Variants in PM20D1 observed in about 807,000 individuals in gnomAD.
The protein encoded by PM20D1 is peptidase M20 domain containing 1.
In PM20D1, 53 loss-of-function variants were observed where a neutral mutation model predicts 53.8. That is an observed-to-expected ratio of 0.98 (90% CI 0.79 to 1.24). PM20D1 has a LOEUF of 1.24. Ranked by LOEUF, PM20D1 falls within the 50% of genes most tolerant of loss-of-function variation. The pLI is 0.00. For synonymous variants in PM20D1, 239 were observed against 241.3 expected (o/e 0.99, Z 0.09); for missense variants, 564 against 616.8 (o/e 0.91, Z 0.91).
Position 205,844,889 on chromosome 1 carries a change from C to T in PM20D1, c.498G>A (p.Leu166=). The change falls in exon 4 of 13, where the codon CTG becomes CTA. Residue 166 remains leucine (L), a synonymous_variant. Transcript: ENST00000367136. ...TGATCAGCAGGAGCTCCAAGGCCTGCAGTAATGCCTGGGGTTCAGAAGCAC... is the reference window on the plus strand; with the variant it reads ...TGATCAGCAGGAGCTCCAAGGCCTGTAGTAATGCCTGGGGTTCAGAAGCAC... ...LDDKNSVMAL[L]QALELLLIRK... 2.5e-6 allele frequency: 4 copies of T among 1,613,502 alleles called. No individual in the cohort carries two copies. The highest frequency in any genetic ancestry group is 3.4e-6 in the Non-Finnish European group (4 of 1,179,902).
intron 10 of PM20D1, among the ~76,000 whole-genome samples, chr1:205,835,544 C>T (rs538251152): frequency 2.1e-5 from 3 of 143,214 alleles, no homozygotes; most frequent in African/African-American, 5.2e-5. Context: ...CCCGGCTGCT[C>T]GGGAGGCTGA....
intron 10 of PM20D1, among the ~76,000 whole-genome samples, chr1:205,834,344 C>T (rs894584075): frequency 8.5e-5 from 13 of 152,190 alleles, no homozygotes; most frequent in Admixed American, 3.9e-4. Flanking sequence ...TTAGTAGAGA[C>T]GGGGTTTTGC....
chr1:205,834,916 A>G (rs996791503), intron 10 of PM20D1, among the ~76,000 whole-genome samples: 2 of 152,242 alleles, frequency 1.3e-5, no homozygotes, highest in Non-Finnish European at 2.9e-5. Flanking sequence ...CCGCATTTCC[A>G]GTAGCAAGCA....
At chr1:205,829,299 G>T (rs998292297) in intron 12 of PM20D1, among the ~76,000 whole-genome samples, 7 of 152,172 alleles carry the variant, frequency 4.6e-5, no homozygotes, top group Non-Finnish European at 5.9e-5. Context: ...AAAGTATTGG[G>T]ATTATAGGTG....
In PM20D1 at chr1:205,848,681, T is replaced by A. The variant is rs549553375; in HGVS notation, c.170-710A>T. Among the ~76,000 whole-genome samples, 9 of 152,276 alleles carry A rather than the reference T, an allele frequency of 5.9e-5. No individual in the cohort carries two copies. In the South Asian group the frequency reaches 1.9e-3, roughly 32 times the overall value. ...GACAAAACCACTGGGAGGGAAAGCA[T>A]GAATCATGAGAATATTGAATTAGAC... On this transcript the variant is annotated intron_variant, in intron 1 of 12. Coordinates refer to ENST00000367136, the MANE Select transcript of PM20D1 (RefSeq NM_152491.5).
chr1:205,839,910 C>CAAAAAAAAA (rs567749262), intron 10 of PM20D1, among the ~76,000 whole-genome samples: 7 of 58,090 alleles, frequency 1.2e-4, no homozygotes, highest in Admixed American at 5.6e-4. Flanking sequence ...GACTCTGACT[C>CAAAAAAAAA]AAAAAAAAAA....
In PM20D1 at chr1:205,828,501, A is replaced by ACAGATGGG; in HGVS notation, c.*111_*118dup. ...TTGGGAGAGTTTAAGAGTGAGCAAG[A>ACAGATGGG]CAGATGGGCAATGTTTTACAATGTG... On this transcript the variant is annotated 3_prime_UTR_variant, in exon 13 of 13. Transcript: ENST00000367136. 7.2e-7 allele frequency: 1 copy of ACAGATGGG among 1,397,764 alleles called. No homozygotes were observed. The highest frequency in any genetic ancestry group is 9.6e-7 in the Non-Finnish European group (1 of 1,039,140). The allele number at this position is 1,397,764 out of a possible 1,614,324, so 86.6% of individuals were successfully genotyped here.
At position 205,841,819 on chromosome 1, in the gene PM20D1, C is replaced by CCT; in HGVS notation, c.1035_1036insAG (p.Gly346ArgfsTer30). 6.4e-7 allele frequency: 1 copy of CCT among 1,567,288 alleles called. No homozygotes were observed. Among genetic ancestry groups the CCT allele is most frequent in the Non-Finnish European group, 8.7e-7 (1 of 1,153,426 alleles). On this transcript the variant is annotated frameshift_variant, in exon 9 of 13. Coordinates refer to ENST00000367136, the MANE Select transcript of PM20D1 (RefSeq NM_152491.5). LOFTEE classifies it high-confidence loss of function. ...GGAACCAGGGATGTTACCTTGACCC[C>CCT]TGCTTTGAATATGGTGAGTGCCGTG...
At chr1:205,849,297 G>C (rs1657073421) in intron 1 of PM20D1, among the ~76,000 whole-genome samples, 2 of 152,086 alleles carry the variant, frequency 1.3e-5, no homozygotes, top group South Asian at 2.1e-4. Flanking sequence ...GTCTGGATTA[G>C]AGATCTAGAG....
rs538991994 is a variant in PM20D1 at position 205,844,124 on chromosome 1, C to T, written c.670G>A (p.Asp224Asn). 1.9e-6 allele frequency: 3 copies of T among 1,613,862 alleles called. No individual in the cohort carries two copies. The African/African-American group carries it at 4.0e-5, about 22-fold the overall frequency. The stretch of plus-strand genomic sequence containing the variant: ...TTCTTGAAGTTAGGAATGAAATCAT[C>T]CAAGATGAAGCCCCCCTCGTCCACA... ...FIVDEGGFIL[D>N]DFIPNFKKPI... Residue 224 changes from aspartate to asparagine, a missense_variant, in exon 5 of 13, where the codon GAT becomes AAT. Coordinates refer to ENST00000367136, the MANE Select transcript of PM20D1 (RefSeq NM_152491.5).
chr1:205,830,275 C>T lies in PM20D1; in HGVS notation c.1385+5G>A, dbSNP rs758549277. The stretch of plus-strand genomic sequence containing the variant: ...CCACCTGCTGCTCAAACCTGTTCCA[C>T]TCACCGTTTGAAGTCTTCAGGCTGT... On this transcript the variant is annotated splice_donor_5th_base_variant and intron_variant, in intron 12 of 12. Coordinates refer to ENST00000367136, the MANE Select transcript of PM20D1 (RefSeq NM_152491.5). 1 of 1,576,858 alleles carries T rather than the reference C, an allele frequency of 6.3e-7. No homozygotes were observed. The highest frequency in any genetic ancestry group is 8.7e-7 in the Non-Finnish European group (1 of 1,146,212).
intron 3 of PM20D1, 37 bp from the exon 4 acceptor site, chr1:205,844,934 G>T (rs375139761): frequency 3.2e-6 from 5 of 1,568,028 alleles, no homozygotes; most frequent in Non-Finnish European, 4.4e-6. Context: ...GGAAAAAGAC[G>T]TTATTTAGGT....
At position 205,844,080 on chromosome 1, in the gene PM20D1, T is replaced by A. The variant is rs369353686; in HGVS notation, c.707+7A>T. On this transcript the variant is annotated splice_region_variant and intron_variant, in intron 5 of 12. Coordinates refer to ENST00000367136, the MANE Select transcript of PM20D1 (RefSeq NM_152491.5). ...CTCCAAGGTGTGGGGTGGGATGCTTTACTCACAAGGCGATGGGCTTCTTGA... is the reference window on the plus strand; with the variant it reads ...CTCCAAGGTGTGGGGTGGGATGCTTAACTCACAAGGCGATGGGCTTCTTGA... 2 of 1,606,904 alleles carry A rather than the reference T, an allele frequency of 1.2e-6. No individual in the cohort carries two copies. Among genetic ancestry groups the A allele is most frequent in the Non-Finnish European group, 1.7e-6 (2 of 1,176,466 alleles).
Position 205,832,773 on chromosome 1 carries a change from G to T in PM20D1, c.1117-7C>A. 6.4e-7 allele frequency: 1 copy of T among 1,564,538 alleles called. No individual in the cohort carries two copies. Among genetic ancestry groups the T allele is most frequent in the Non-Finnish European group, 8.7e-7 (1 of 1,155,630 alleles). ...TCTTCGTGAGTTCTAGGACCTCCAG[G>T]GTAGAAACAAAGGGGGTTCGATTTC... On this transcript the variant is annotated splice_polypyrimidine_tract_variant and splice_region_variant and intron_variant, in intron 10 of 12. Coordinates refer to ENST00000367136, the MANE Select transcript of PM20D1 (RefSeq NM_152491.5).
At chr1:205,835,842 T>A (rs1656674802) in intron 10 of PM20D1, among the ~76,000 whole-genome samples, 1 of 152,140 alleles carries the variant, frequency 6.6e-6, no homozygotes, top group East Asian at 1.9e-4. Flanking sequence ...CAAAGGTGAC[T>A]TTAGAGCACA....
chr1:205,842,614 T>C, intron 7 of PM20D1, 62 bp downstream of exon 7: 2 of 1,529,536 alleles, frequency 1.3e-6, no homozygotes, highest in Non-Finnish European at 1.8e-6. Context: ...ACTCTAAAGG[T>C]TACTTTTCTG....
chr1:205,849,866 C>G lies in PM20D1; in HGVS notation c.169+38G>C. On this transcript the variant is annotated intron_variant, in intron 1 of 12. Coordinates refer to ENST00000367136, the MANE Select transcript of PM20D1 (RefSeq NM_152491.5). ...GTTGACCTGGGGAGGGAGGGACCCA[C>G]ATATGAGCATAGGTGGGTGAAGGGG... The G allele has an allele frequency of 1.9e-6, 3 of 1,573,654 alleles. 1 individual carries two copies.
At chr1:205,841,304 C>T (rs1378408122) in intron 9 of PM20D1, among the ~76,000 whole-genome samples, 1 of 152,174 alleles carries the variant, frequency 6.6e-6, no homozygotes, top group Non-Finnish European at 1.5e-5. Context: ...TGGTCAGGGA[C>T]AGAGCTGGGC....
intron 10 of PM20D1, among the ~76,000 whole-genome samples, chr1:205,837,712 C>T (rs1246558411): frequency 6.6e-6 from 1 of 152,064 alleles, no homozygotes; most frequent in African/African-American, 2.4e-5. Flanking sequence ...CTAGGGATTC[C>T]AGGGGTTTCA....
Sources: gnomAD v4.1 joint callset for allele counts (sites outside exome capture counted in the v4.1 genomes callset) on GRCh38, gnomAD v4.1.1 for gene constraint, MANE v1.5 for transcripts, NCBI Gene and HGNC (gene_info 2026-07-23, HGNC 2026-07-21) for gene names.